Variants in PLEC observed in about 807,000 individuals in gnomAD.
PLEC encodes the protein hemidesmosomal protein 1.
Under a neutral mutation model 392.8 loss-of-function variants are expected in PLEC, and 216 were observed. The ratio of observed to expected loss-of-function variants is 0.55; its 90% CI spans 0.49 to 0.62. The LOEUF (loss-of-function observed/expected upper bound fraction) is 0.62. PLEC is among the 20% of genes least tolerant of loss of function. PLEC has a pLI of 0.00. For missense variants in PLEC, 6,863 were observed against 6,563.4 expected (o/e 1.05, Z -1.58); for synonymous variants, 3,621 against 2,980.6 (o/e 1.21, Z -7.00).
At chr8:143,943,363 C>T (rs1554730194), upstream of PLEC, among the ~76,000 whole-genome samples, 2 of 152,254 alleles carry the variant, frequency 1.3e-5, no homozygotes, top group South Asian at 2.1e-4. Flanking sequence ...GCCCCCTGTG[C>T]GGCCCGAGGG....
chr8:143,946,165 A>G (rs1457653976), intron 1 of PLEC, among the ~76,000 whole-genome samples: 1 of 152,140 alleles, frequency 6.6e-6, no homozygotes, highest in Non-Finnish European at 1.5e-5. Context: ...AGGTCCGGAC[A>G]GGCCTGTGCT....
chr8:143,937,549 G>GCGGTGGCAGCCACAGCAGCCAC (rs1829386770), intron 3 of PLEC: 1 of 509,498 alleles, frequency 2.0e-6, no homozygotes, highest in Non-Finnish European at 3.6e-6. Context: ...CTCCTGCCTG[G>GCGGTGGCAGCCACAGCAGCCAC]CGGTGGCAGC....
rs1358472840 is a variant in PLEC at position 143,923,195 on chromosome 8, G to A, written c.6734C>T (p.Ala2245Val). The A allele has an allele frequency of 1.2e-6, 2 of 1,602,562 alleles. No homozygotes were observed. The highest frequency in any genetic ancestry group is 2.2e-5 in the East Asian group (1 of 44,872). ...TGCGCGGTTCTCAGCCTCGATGCGTGCCTTGAGCTTGCTCAGCTCCTCCAT... is the reference window on the plus strand; with the variant it reads ...TGCGCGGTTCTCAGCCTCGATGCGTACCTTGAGCTTGCTCAGCTCCTCCAT... ...VQMEELSKLK[A>V]RIEAENRALI... Residue 2245 changes from alanine (A) to valine (V), a missense_variant, in exon 31 of 32, where the codon GCA becomes GTA. Ala to Val is a moderately conservative substitution (Grantham distance 64). Transcript: ENST00000345136.
Position 143,918,592 on chromosome 8 carries a change from A to G in PLEC, c.11229T>C (p.Thr3743=), listed in dbSNP as rs781871972. The stretch of plus-strand genomic sequence containing the variant: ...GGCCCTTCCGCACAGCCTCATCCAC[A>G]GTCAGCCGCTCCCCCTTCACCGGGT... ...LLDPVKGERL[T]VDEAVRKGLV... is the part of the protein sequence containing the mutation. The change falls in exon 32 of 32, where the codon ACT becomes ACC. Residue 3743 remains threonine (T), a synonymous_variant. Transcript: ENST00000345136. The G allele has an allele frequency of 1.2e-6, 2 of 1,612,420 alleles. No individual in the cohort carries two copies. Among genetic ancestry groups the G allele is most frequent in the Non-Finnish European group, 8.5e-7 (1 of 1,179,922 alleles).
chr8:143,952,995 C>A (rs138545177), upstream of PLEC, among the ~76,000 whole-genome samples: 4 of 64,536 alleles, frequency 6.2e-5, no homozygotes, highest in Non-Finnish European at 9.0e-5. Context: ...TGCGCCACCC[C>A]CCCCCGCCTC....
At chr8:143,962,855 A>G (rs992983885) in intron 1 of PLEC, among the ~76,000 whole-genome samples, 1 of 152,204 alleles carries the variant, frequency 6.6e-6, no homozygotes, top group African/African-American at 2.4e-5. Context: ...AAAGAGATAA[A>G]TTGAGGAAGG....
chr8:143,932,202 C>T lies in PLEC; in HGVS notation c.2010G>A (p.Lys670=), dbSNP rs782013745. ...CAGCATTTTGGAGCTCCTTGATCTT[C>T]TTCTCCTTCAGCTCCAGCTCCCGCA... The part of the protein sequence containing the change: ...ALMRELELKE[K]KIKELQNAGD... Residue 670 remains lysine (K), a synonymous_variant, in exon 17 of 32, where the codon AAG becomes AAA. Coordinates refer to ENST00000345136, the MANE Select transcript of PLEC (RefSeq NM_201384.3). 7 of 1,612,258 alleles carry T rather than the reference C, an allele frequency of 4.3e-6. No homozygotes were observed. In the East Asian group the frequency reaches 1.3e-4, roughly 31 times the overall value.
In PLEC at chr8:143,918,369, G is replaced by A. The variant is rs782249416; in HGVS notation, c.11452C>T (p.Leu3818Phe). The change falls in exon 32 of 32, where the codon CTT becomes TTT. Residue 3818 changes from leucine to phenylalanine, a missense_variant. Physicochemically the swap from Leu to Phe is conservative, Grantham distance 22. Transcript: ENST00000345136. The part of the protein sequence containing the change: ...GIVDPRLGFH[L>F]PLEVAYQRGY... ...CGCTGGTAAGCCACCTCCAGGGGAA[G>A]GTGGAAGCCCAGGCGGGGGTCCACG... 6.4e-6 allele frequency: 10 copies of A among 1,571,648 alleles called. No homozygotes were observed. The South Asian group carries it at 1.0e-4, about 16-fold the overall frequency.
rs1822844359 is a variant in PLEC at position 143,921,801 on chromosome 8, G to A, written c.8020C>T (p.Gln2674Ter). Reference sequence around the variant, plus strand: ...AGCTCGTCCACCGTGGTGTGGCCCTGCGCCAACCGCTGCAGCTCCTCCGCA... The same window carrying A: ...AGCTCGTCCACCGTGGTGTGGCCCTACGCCAACCGCTGCAGCTCCTCCGCA... ...LSAEELQRLAQGHTTVDELAR... is the reference protein window; with the variant it reads ...LSAEELQRLA The change falls in exon 32 of 32, where the codon CAG becomes TAG. Residue 2674 changes from glutamine (Q) to a stop codon, truncating the protein, a stop_gained. Transcript: ENST00000345136. LOFTEE classifies it low-confidence loss of function (END_TRUNC). 1 of 1,609,644 alleles carries A rather than the reference G, an allele frequency of 6.2e-7. No individual in the cohort carries two copies. The highest frequency in any genetic ancestry group is 8.5e-7 in the Non-Finnish European group (1 of 1,179,772).
intron 19 of PLEC, among the ~76,000 whole-genome samples, chr8:143,931,306 G>A (rs951074328): frequency 3.2e-4 from 35 of 108,410 alleles, no homozygotes; most frequent in African/African-American, 9.3e-4. Context: ...ACCTCCCATG[G>A]TGCCTCCCAA....
rs373831849 is a variant in PLEC at position 143,920,654 on chromosome 8, G to T, written c.9167C>A (p.Ala3056Asp). 29 of 1,604,586 alleles carry T rather than the reference G, an allele frequency of 1.8e-5. No homozygotes were observed. The African/African-American group carries it at 3.6e-4, about 20-fold the overall frequency. The change falls in exon 32 of 32, where the codon GCC becomes GAC. Residue 3056 changes from alanine to aspartate, a missense_variant. Ala to Asp is a moderately radical substitution (Grantham distance 126, BLOSUM62 -2). Coordinates refer to ENST00000345136, the MANE Select transcript of PLEC (RefSeq NM_201384.3). ...GGTGCCGGCCTGGGCTTCCAACAGG[G>T]CCACGGCCATGTCGGATGGCAGCAG... ...KDLLPSDMAVALLEAQAGTGH... is the reference protein window; with the variant it reads ...KDLLPSDMAVDLLEAQAGTGH...
chr8:143,934,963 T>C (rs1554721663), intron 8 of PLEC, 34 bp from the exon 9 acceptor site: 10 of 1,610,460 alleles, frequency 6.2e-6, no homozygotes, highest in Non-Finnish European at 8.5e-6. Context: ...TCAGGGGTCG[T>C]CGGGGCGTCC....
intron 3 of PLEC, chr8:143,937,666 C>T (rs913424627): frequency 6.7e-5 from 33 of 490,204 alleles, no homozygotes; most frequent in African/African-American, 1.6e-4. Flanking sequence ...GGTTGGCCGA[C>T]GGGCCACCAG....
chr8:143,964,025 C>A (rs1832979117), intron 1 of PLEC, among the ~76,000 whole-genome samples: 1 of 152,064 alleles, frequency 6.6e-6, no homozygotes, highest in Admixed American at 6.6e-5. Context: ...GTTGGCCAGG[C>A]TGGTCTCCTG....
At chr8:143,974,236 C>A (rs988776028), upstream of PLEC, among the ~76,000 whole-genome samples, 4 of 152,242 alleles carry the variant, frequency 2.6e-5, no homozygotes, top group Admixed American at 6.5e-5. The surrounding 1 kb of genome is among the most constrained non-coding windows in gnomAD (Gnocchi z 5.9). Flanking sequence ...GGGGCAAAGC[C>A]TTTGCAGTGA....
chr8:143,951,291 G>C (rs943087625), upstream of PLEC, among the ~76,000 whole-genome samples: 1 of 152,120 alleles, frequency 6.6e-6, no homozygotes, highest in African/African-American at 2.4e-5. Context: ...CTGAAGGGGG[G>C]TGCTGGGCTG....
intron 19 of PLEC, among the ~76,000 whole-genome samples, chr8:143,931,041 A>C (rs2131822466): frequency 6.6e-6 from 1 of 152,252 alleles, no homozygotes; most frequent in East Asian, 1.9e-4. Flanking sequence ...CAGAGCACAA[A>C]GCCCAGTTCC....
In PLEC at chr8:143,917,778, T is replaced by C; in HGVS notation, c.12043A>G (p.Lys4015Glu). ...ATGAGCTTCCCAGAGTAGGGGTCCT[T>C]GTACCCAGTGACGGCGCGCTCGGCC... The part of the protein sequence containing the change: ...LSAERAVTGY[K>E]DPYSGKLISL... The change falls in exon 32 of 32, where the codon AAG (lysine) becomes GAG (glutamate). Residue 4015 changes from lysine (K) to glutamate (E), a missense_variant. Transcript: ENST00000345136. 6.2e-7 allele frequency: 1 copy of C among 1,613,486 alleles called. No individual in the cohort carries two copies. The highest frequency in any genetic ancestry group is 8.5e-7 in the Non-Finnish European group (1 of 1,179,962).
At position 143,925,571 on chromosome 8, in the gene PLEC, T is replaced by C; in HGVS notation, c.4358A>G (p.Glu1453Gly). The C allele has an allele frequency of 6.3e-7, 1 of 1,584,440 alleles. No individual in the cohort carries two copies. Among genetic ancestry groups the C allele is most frequent in the Non-Finnish European group, 8.5e-7 (1 of 1,173,080 alleles). ...AERSRLRIEE[E>G]IRVVRLQLEA... ...CAACTGCAGGCGCACCACGCGGATC[T>C]CCTCCTCGATGCGCAGCCGGCTGCG... Residue 1453 changes from glutamate (E) to glycine (G), a missense_variant, in exon 31 of 32, where the codon GAG becomes GGG. Coordinates refer to ENST00000345136, the MANE Select transcript of PLEC (RefSeq NM_201384.3).
Sources: allele counts gnomAD v4.1 joint callset (sites outside exome capture counted in the v4.1 genomes callset), GRCh38; gene constraint gnomAD v4.1.1; non-coding constraint Gnocchi (gnomAD v3.1); transcripts MANE v1.5; gene names NCBI Gene and HGNC (gene_info 2026-07-23, HGNC 2026-07-21).